The following ADD3 variants were observed in gnomAD, a reference collection of about 807,000 sequenced individuals.
The protein encoded by ADD3 is gamma-adducin.
ADD3 carries 25 observed loss-of-function variants against 80.2 expected under a neutral mutation model. That is an observed-to-expected ratio of 0.31 (90% confidence interval 0.23 to 0.44). The LOEUF (loss-of-function observed/expected upper bound fraction) is 0.44, where lower values mean the gene tolerates loss of function less well. Ranked by LOEUF, ADD3 falls within the 20% of genes least tolerant of loss-of-function variation. The pLI is 1.00. For missense variants in ADD3, 829 were observed against 847.5 expected (o/e 0.98, Z 0.27); for synonymous variants, 284 against 289.6 (o/e 0.98, Z 0.20).
intron 8 of ADD3, 43 bp downstream of exon 8, chr10:110,119,607 C>T (rs1426532356): frequency 2.6e-5 from 40 of 1,532,400 alleles, no homozygotes; most frequent in Non-Finnish European, 3.4e-5. Flanking sequence ...TTGTTATTTG[C>T]TCGTTTAGTT....
chr10:110,047,699 GTC>G (rs1044628581), intron 1 of ADD3, among the ~76,000 whole-genome samples: 11 of 152,162 alleles, frequency 7.2e-5, no homozygotes, highest in African/African-American at 2.7e-4. Context: ...ATAGGAAAAA[GTC>G]TCTGTTGCAA....
chr10:110,129,150 CTTT>C (rs746835809), intron 12 of ADD3, among the ~76,000 whole-genome samples: 3 of 138,276 alleles, frequency 2.2e-5, no homozygotes, highest in Admixed American at 7.2e-5. Context: ...TTCTTTCTTT[CTTT>C]TTTTTTTTTT....
chr10:110,079,455 AGAGAGAGT>A (rs776557721), intron 1 of ADD3, among the ~76,000 whole-genome samples: 1,907 of 125,318 alleles, frequency 0.015, 20 homozygotes, highest in African/African-American at 0.039. Context: ...AGAGAGAGAG[AGAGAGAGT>A]GTGTGTGTGT....
chr10:110,124,129 C>G lies in ADD3; in HGVS notation c.1256C>G (p.Thr419Arg). Reference sequence around the variant, plus strand: ...ACTGCTTTTTCCTTTGAAGACGATACAGTGCCACTCTCTCCTCTCAAATAC... The same window carrying G: ...ACTGCTTTTTCCTTTGAAGACGATAGAGTGCCACTCTCTCCTCTCAAATAC... Reference protein sequence around the residue: ...TVTAFSFEDDTVPLSPLKYMA... With the variant: ...TVTAFSFEDDRVPLSPLKYMA... The change falls in exon 10 of 15, where the codon ACA (threonine) becomes AGA (arginine). Residue 419 changes from threonine (T) to arginine (R), a missense_variant. Transcript: ENST00000356080. 1 of 1,614,142 alleles carries G rather than the reference C, an allele frequency of 6.2e-7. No homozygotes were observed. The highest frequency in any genetic ancestry group is 1.3e-5 in the African/African-American group (1 of 75,036).
intron 1 of ADD3, among the ~76,000 whole-genome samples, chr10:110,053,911 G>A (rs1857819910): frequency 1.3e-5 from 2 of 152,148 alleles, no homozygotes. Flanking sequence ...CAAGTTCTAT[G>A]TACGAAGATG....
chr10:110,116,535 C>T, intron 4 of ADD3, 125 bp downstream of exon 4: 1 of 918,112 alleles, frequency 1.1e-6, no homozygotes, highest in South Asian at 1.7e-5. Context: ...TGCTAGATCA[C>T]AACCAAATAC....
intron 1 of ADD3, among the ~76,000 whole-genome samples, chr10:110,071,175 A>G (rs1589980326): frequency 6.6e-6 from 1 of 152,200 alleles, no homozygotes; most frequent in East Asian, 1.9e-4. Context: ...ATATTTTTCC[A>G]AGTAAAATGA....
intron 2 of ADD3, among the ~76,000 whole-genome samples, chr10:110,108,272 C>G (rs1849613318): frequency 6.6e-6 from 1 of 152,094 alleles, no homozygotes; most frequent in African/African-American, 2.4e-5. Context: ...CAGTCTAATG[C>G]TCTAATCTAG....
At chr10:110,107,593 T>C (rs1849535648) in intron 2 of ADD3, among the ~76,000 whole-genome samples, 1 of 152,152 alleles carries the variant, frequency 6.6e-6, no homozygotes, top group African/African-American at 2.4e-5. Context: ...GTTTACACAA[T>C]TTTTTATAAA....
At chr10:110,106,117 T>C (rs1849370460) in intron 2 of ADD3, 1 of 151,812 alleles carries the variant, frequency 6.6e-6, no homozygotes, top group South Asian at 2.1e-4. Flanking sequence ...ATAGGGTGCC[T>C]TGGGAGCAGC....
chr10:110,131,397 G>T (rs898634809), intron 13 of ADD3, among the ~76,000 whole-genome samples: 9 of 152,166 alleles, frequency 5.9e-5, no homozygotes, highest in African/African-American at 2.2e-4. Context: ...ATTGTTTAAG[G>T]TACACATTTA....
chr10:110,077,516 T>A (rs1315709905), intron 1 of ADD3, among the ~76,000 whole-genome samples: 1 of 152,190 alleles, frequency 6.6e-6, no homozygotes, highest in Non-Finnish European at 1.5e-5. Flanking sequence ...ACATGAACTT[T>A]GTGTGTAAGA....
intron 1 of ADD3, among the ~76,000 whole-genome samples, chr10:110,032,605 T>A (rs1401395432): frequency 2.6e-5 from 4 of 152,192 alleles, no homozygotes; most frequent in Non-Finnish European, 5.9e-5. Flanking sequence ...GGAAAGAGTA[T>A]AGTATGCTAG....
At chr10:110,128,313 T>G (rs912936144) in intron 12 of ADD3, among the ~76,000 whole-genome samples, 1 of 151,990 alleles carries the variant, frequency 6.6e-6, no homozygotes, top group Admixed American at 6.5e-5. Context: ...TTTTCTTTTC[T>G]CTCCTACTTG....
chr10:110,100,600 T>G (rs898508318), intron 1 of ADD3, 25 bp from the exon 2 acceptor site: 47 of 1,382,902 alleles, frequency 3.4e-5, no homozygotes, highest in Non-Finnish European at 4.2e-5. Context: ...ATCATGGATG[T>G]CCTTCTTTGT....
At chr10:110,074,770 TGGA>T (rs1358102558) in intron 1 of ADD3, among the ~76,000 whole-genome samples, 5 of 152,152 alleles carry the variant, frequency 3.3e-5, no homozygotes, top group African/African-American at 1.2e-4. Flanking sequence ...AAATTGGAGT[TGGA>T]GGACAGGAGA....
At chr10:110,075,263 A>G (rs983397432) in intron 1 of ADD3, among the ~76,000 whole-genome samples, 2 of 152,078 alleles carry the variant, frequency 1.3e-5, no homozygotes, top group African/African-American at 2.4e-5. Context: ...CCTTTATTGG[A>G]AGGGTGATAT....
At chr10:110,028,148 G>A (rs1854529687) in intron 1 of ADD3, among the ~76,000 whole-genome samples, 1 of 152,180 alleles carries the variant, frequency 6.6e-6, no homozygotes. Flanking sequence ...ATAATATTTG[G>A]TACATAGTAG....
At chr10:110,020,794 A>G (rs1419559289) in intron 1 of ADD3, among the ~76,000 whole-genome samples, 2 of 152,238 alleles carry the variant, frequency 1.3e-5, no homozygotes, top group East Asian at 3.8e-4. Flanking sequence ...GATAGAATCA[A>G]TAGGATTTTC....
Sources: allele counts gnomAD v4.1 joint callset (sites outside exome capture counted in the v4.1 genomes callset), GRCh38; gene constraint gnomAD v4.1.1; transcripts MANE v1.5; gene names NCBI Gene and HGNC (gene_info 2026-07-23, HGNC 2026-07-21).